The following BIVM variants were observed in gnomAD, a reference collection of about 807,000 sequenced individuals.
BIVM encodes basic, immunoglobulin-like variable motif containing.
Under a neutral mutation model 61.4 loss-of-function variants are expected in BIVM, and 31 were observed. The ratio of observed to expected loss-of-function variants is 0.51; its 90% CI spans 0.38 to 0.68. The LOEUF is 0.68. Ranked by LOEUF, BIVM falls within the 30% of genes least tolerant of loss-of-function variation. BIVM has a pLI of 0.00. For missense variants in BIVM, 526 were observed against 596.0 expected, an observed-to-expected ratio of 0.88 and a Z score of 1.22; for synonymous variants, 189 against 210.7, an observed-to-expected ratio of 0.90 and a Z score of 0.89.
Position 102,816,473 on chromosome 13 carries a change from AG to A in BIVM, c.527del (p.Gly176GlufsTer22). On this transcript the variant is annotated frameshift_variant, in exon 4 of 11. Coordinates refer to ENST00000257336, the MANE Select transcript of BIVM (RefSeq NM_017693.4). LOFTEE classifies it high-confidence loss of function. ...QVSKRKTSDK[K>X]GRYQKECPQH... ...TCCAAGAGAAAAACTTCAGATAAAA[AG>A]GGAAGATATCAGAAGGAATGTCCTC... 1 of 1,593,296 alleles carries A rather than the reference AG, an allele frequency of 6.3e-7. No homozygotes were observed. Among genetic ancestry groups the A allele is most frequent in the Non-Finnish European group, 8.5e-7 (1 of 1,172,538 alleles).
intron 1 of BIVM, among the ~76,000 whole-genome samples, chr13:102,800,206 C>A (rs971670427): frequency 6.6e-6 from 1 of 152,222 alleles, no homozygotes; most frequent in African/African-American, 2.4e-5. Context: ...ACAGTCGAAT[C>A]GGAGCCCCAG....
chr13:102,814,705 T>C (rs1238455585), intron 3 of BIVM, among the ~76,000 whole-genome samples: 1 of 152,184 alleles, frequency 6.6e-6, no homozygotes, highest in Non-Finnish European at 1.5e-5. Flanking sequence ...TTGCCAGTGA[T>C]GTTCAGCTCT....
intron 3 of BIVM, among the ~76,000 whole-genome samples, chr13:102,809,458 T>G (rs908336370): frequency 1.3e-5 from 2 of 152,256 alleles, no homozygotes; most frequent in African/African-American, 4.8e-5. Context: ...TTGAAAAGAA[T>G]GTGCATTCTG....
chr13:102,813,014 C>A (rs147521866), intron 3 of BIVM, among the ~76,000 whole-genome samples: 3 of 152,322 alleles, frequency 2.0e-5, no homozygotes, highest in Non-Finnish European at 4.4e-5. Context: ...GTAGTTGTAC[C>A]TTGCTATGTG....
At chr13:102,824,965 C>T (rs907426614) in intron 7 of BIVM, among the ~76,000 whole-genome samples, 15 of 148,902 alleles carry the variant, frequency 1.0e-4, no homozygotes, top group Admixed American at 2.7e-4. Flanking sequence ...TTTTTTGAGA[C>T]GGAGTCTCGC....
At chr13:102,834,808 G>T (rs1164464560) in intron 9 of BIVM, among the ~76,000 whole-genome samples, 2 of 152,152 alleles carry the variant, frequency 1.3e-5, no homozygotes, top group African/African-American at 4.8e-5. Context: ...CATGTAAAGA[G>T]AATCAGACAA....
chr13:102,832,494 A>G (rs897077699), intron 8 of BIVM, among the ~76,000 whole-genome samples: 2 of 152,152 alleles, frequency 1.3e-5, no homozygotes, highest in African/African-American at 4.8e-5. Context: ...GAGCCACCAC[A>G]CCCTTCCTGA....
chr13:102,824,573 A>G (rs1416046902), intron 7 of BIVM, among the ~76,000 whole-genome samples: 1 of 152,146 alleles, frequency 6.6e-6, no homozygotes, highest in South Asian at 2.1e-4. Context: ...TGAGAGACAC[A>G]TGGTTCTGGG....
At chr13:102,836,830 G>A (rs1881508965) in intron 9 of BIVM, among the ~76,000 whole-genome samples, 1 of 152,120 alleles carries the variant, frequency 6.6e-6, no homozygotes, top group South Asian at 2.1e-4. Flanking sequence ...CTCAATTGTT[G>A]TTTATACTAA....
chr13:102,808,757 A>G (rs1196973440), intron 3 of BIVM, among the ~76,000 whole-genome samples: 2 of 152,228 alleles, frequency 1.3e-5, no homozygotes, highest in South Asian at 4.1e-4. Flanking sequence ...ATTTATAATT[A>G]TGGAGTTGTC....
chr13:102,839,505 A>C (rs1354436781), intron 10 of BIVM, 67 bp from the exon 11 acceptor site: 3 of 1,567,098 alleles, frequency 1.9e-6, no homozygotes, highest in Non-Finnish European at 2.6e-6. Context: ...GGGAGTTCAT[A>C]GGGACCTACA....
intron 1 of BIVM, among the ~76,000 whole-genome samples, chr13:102,803,095 G>A (rs1031808580): frequency 4.6e-5 from 7 of 151,548 alleles, no homozygotes; most frequent in Non-Finnish European, 8.8e-5. Flanking sequence ...GGCTGAGGCG[G>A]GAGGATTGCT....
chr13:102,839,783 C>T lies in BIVM; in HGVS notation c.1430C>T (p.Ser477Leu), dbSNP rs139012037. ...RSFSASFHQDSAWKKMSSIHE... is the reference protein window; with the variant it reads ...RSFSASFHQDLAWKKMSSIHE... The stretch of plus-strand genomic sequence containing the variant: ...TTCAGTGCTAGTTTCCATCAGGACT[C>T]GGCATGGAAAAAGATGTCTAGTATC... The change falls in exon 11 of 11, where the codon TCG (serine) becomes TTG (leucine). Residue 477 changes from serine (S) to leucine (L), a missense_variant. Coordinates refer to ENST00000257336, the MANE Select transcript of BIVM (RefSeq NM_017693.4). The T allele has an allele frequency of 2.6e-3, 4,264 of 1,614,116 alleles. 12 individuals are homozygous for T. Among genetic ancestry groups the T allele is most frequent in the Non-Finnish European group, 3.4e-3 (4,018 of 1,180,036 alleles).
At chr13:102,804,979 G>A (rs145623968) in intron 1 of BIVM, among the ~76,000 whole-genome samples, 2 of 152,254 alleles carry the variant, frequency 1.3e-5, no homozygotes, top group East Asian at 3.9e-4. Flanking sequence ...ATAGGCTTTC[G>A]TTGTTCAATA....
chr13:102,804,184 G>C (rs1392743636), intron 1 of BIVM, among the ~76,000 whole-genome samples: 1 of 152,190 alleles, frequency 6.6e-6, no homozygotes, highest in African/African-American at 2.4e-5. Flanking sequence ...TGGAGTGCAG[G>C]TCACCCAGGC....
chr13:102,831,860 T>C, intron 8 of BIVM, among the ~76,000 whole-genome samples, 163 bp downstream of exon 8: 1 of 122,192 alleles, frequency 8.2e-6, no homozygotes, highest in South Asian at 2.9e-4. Context: ...AAACCCCGTC[T>C]CTACTAAAAA....
At chr13:102,838,511 A>G (rs1246364864) in intron 9 of BIVM, 132 bp from the exon 10 acceptor site, 14 of 689,524 alleles carry the variant, frequency 2.0e-5, no homozygotes, top group Admixed American at 1.4e-4. Context: ...AGATGAAACA[A>G]TGTTGAGATA....
At chr13:102,831,917 C>T (rs1413723103) in intron 8 of BIVM, among the ~76,000 whole-genome samples, 8 of 148,380 alleles carry the variant, frequency 5.4e-5, no homozygotes, top group African/African-American at 9.9e-5. Context: ...TGGTGGCAGG[C>T]GCCTGTAGTC....
At position 102,824,682 on chromosome 13, in the gene BIVM, G is replaced by C. The variant is rs574851561; in HGVS notation, c.901+2523G>C. On this transcript the variant is annotated intron_variant, in intron 7 of 10. Transcript: ENST00000257336. Reference sequence around the variant, plus strand: ...GGTGGTGTCCTGGGAAAACCTTACTGATGGACCTGAAATTTGAATATCACA... The same window carrying C: ...GGTGGTGTCCTGGGAAAACCTTACTCATGGACCTGAAATTTGAATATCACA... Among the ~76,000 whole-genome samples, 27 of 152,284 alleles carry C rather than the reference G, an allele frequency of 1.8e-4. No individual in the cohort carries two copies. In the South Asian group the frequency reaches 5.6e-3, roughly 32 times the overall value.
Sources: gnomAD v4.1 joint callset for allele counts (sites outside exome capture counted in the v4.1 genomes callset) on GRCh38, gnomAD v4.1.1 for gene constraint, MANE v1.5 for transcripts, NCBI Gene and HGNC (gene_info 2026-07-23, HGNC 2026-07-21) for gene names.